The following PLG variants were observed in gnomAD, a reference collection of about 807,000 sequenced individuals.
PLG encodes plasmin.
PLG carries 41 observed loss-of-function variants against 104.4 expected under a neutral mutation model. The ratio of observed to expected loss-of-function variants is 0.39; its 90% confidence interval spans 0.31 to 0.51. The LOEUF (loss-of-function observed/expected upper bound fraction) is 0.51, where lower values mean the gene tolerates loss of function less well. PLG is among the 20% of genes least tolerant of loss of function. PLG has a pLI of 0.76. For missense variants in PLG, 891 were observed against 1,003.6 expected (o/e 0.89, Z 1.52); for synonymous variants, 337 against 357.1 (o/e 0.94, Z 0.63).
At chr6:160,745,123 T>C (rs1055637785) in intron 17 of PLG, among the ~76,000 whole-genome samples, 36 of 152,164 alleles carry the variant, frequency 2.4e-4, no homozygotes, top group African/African-American at 8.2e-4. Context: ...AAAATGTACA[T>C]TCAGTTGTTT....
At chr6:160,714,645 A>G (rs1777700440) in intron 5 of PLG, 149 bp from the exon 6 acceptor site, 2 of 411,534 alleles carry the variant, frequency 4.9e-6, no homozygotes, top group East Asian at 2.7e-5. Flanking sequence ...CTTATTGCCA[A>G]TTTTATTGCC....
chr6:160,717,589 T>C (rs1777758323), intron 7 of PLG, among the ~76,000 whole-genome samples: 1 of 152,216 alleles, frequency 6.6e-6, no homozygotes, highest in Non-Finnish European at 1.5e-5. Context: ...GTTGTTTGGC[T>C]TTTATGGCAT....
Position 160,752,682 on chromosome 6 carries a change from G to C in PLG, c.2272-218G>C, listed in dbSNP as rs1374342820. Among the ~76,000 whole-genome samples the C allele has an allele frequency of 2.0e-5, 3 of 152,174 alleles. No individual in the cohort carries two copies. The highest frequency in any genetic ancestry group is 2.1e-4 in the South Asian group (1 of 4,828). On this transcript the variant is annotated intron_variant, in intron 18 of 18. Transcript: ENST00000308192. This position sits in a 1 kb window ranked among gnomAD's most constrained non-coding sequence, Gnocchi z 4.7. The stretch of plus-strand genomic sequence containing the variant: ...AGGGATGTGTGCAGGATTCACAAAA[G>C]ATCTTTTCTACCCCCCGGAAAAACT...
rs1778112111 is a variant in PLG at position 160,737,786 on chromosome 6, CA to C, written c.1803-751del. 6.6e-6 allele frequency among the ~76,000 whole-genome samples: 1 copy of C among 152,178 alleles called. No homozygotes were observed. Among genetic ancestry groups the C allele is most frequent in the Non-Finnish European group, 1.5e-5 (1 of 68,028 alleles). ...GCCATCGACAAACCTGATCGCATTG[CA>C]TTTCACTCTGCTGTTGAGTCGATTT... On this transcript the variant is annotated intron_variant, in intron 14 of 18. Coordinates refer to ENST00000308192, the MANE Select transcript of PLG (RefSeq NM_000301.5). The surrounding 1 kb of genome is among the most constrained non-coding windows in gnomAD (Gnocchi z 4.7).
At chr6:160,703,959 A>G (rs918114134) in intron 1 of PLG, among the ~76,000 whole-genome samples, 1 of 152,230 alleles carries the variant, frequency 6.6e-6, no homozygotes, top group Non-Finnish European at 1.5e-5. Context: ...TTTTACAGCC[A>G]TGCTTAGTGG....
chr6:160,705,785 G>A (rs1489639271), intron 1 of PLG: 1 of 152,598 alleles, frequency 6.6e-6, no homozygotes, highest in East Asian at 1.9e-4. Flanking sequence ...TTCTACCCAG[G>A]GATGAACAAA....
chr6:160,711,940 C>G, intron 4 of PLG: 1 of 1,292,972 alleles, frequency 7.7e-7, no homozygotes, highest in East Asian at 3.5e-5. Context: ...GTACTTTTCC[C>G]AGTTTGGTGT....
At chr6:160,711,380 G>C in intron 4 of PLG, 189 bp downstream of exon 4, 1 of 694,940 alleles carries the variant, frequency 1.4e-6, no homozygotes, top group Non-Finnish European at 2.4e-6. Context: ...TAATGTAAAT[G>C]CTATTTAATC....
In PLG at chr6:160,738,707, CCCTT is replaced by C; in HGVS notation, c.1877+101_1877+104del. ...CCTCCTTTCCTTTCTCACTCTTCCT[CCCTT>C]CCTTCTCTGGCTGTGACACTAGGGA... On this transcript the variant is annotated intron_variant, in intron 15 of 18. Transcript: ENST00000308192. The surrounding 1 kb of genome is among the most constrained non-coding windows in gnomAD (Gnocchi z 6.8). 1.1e-6 allele frequency: 1 copy of C among 893,474 alleles called. No individual in the cohort carries two copies. The highest frequency in any genetic ancestry group is 1.9e-6 in the Non-Finnish European group (1 of 528,414). The allele number at this position is 893,474 out of a possible 1,614,324, so 55.3% of individuals were successfully genotyped here. A position where few individuals can be genotyped will look rare whatever the true frequency, so the allele number is the denominator to read the frequency against.
chr6:160,750,238 C>T (rs568572730), intron 17 of PLG, among the ~76,000 whole-genome samples: 1 of 152,276 alleles, frequency 6.6e-6, no homozygotes, highest in African/African-American at 2.4e-5. Context: ...CATCTGCAAT[C>T]ACTGAGCTGA....
chr6:160,718,254 A>G, intron 7 of PLG, 40 bp from the exon 8 acceptor site: 1 of 1,578,290 alleles, frequency 6.3e-7, no homozygotes, highest in South Asian at 1.1e-5. Context: ...CCGTCTCAAA[A>G]AATATATATA....
rs1406728951 is a variant in PLG, at chr6:160,737,696, C to T, written c.1802+689C>T. Among the ~76,000 whole-genome samples the T allele has an allele frequency of 2.0e-5, 3 of 152,308 alleles. No homozygotes were observed. Among genetic ancestry groups the T allele is most frequent in the Non-Finnish European group, 2.9e-5 (2 of 68,024 alleles). On this transcript the variant is annotated intron_variant, in intron 14 of 18. Transcript: ENST00000308192. This position sits in a 1 kb window ranked among gnomAD's most constrained non-coding sequence, Gnocchi z 4.7. ...TTTGCTTCCTCATCTCACTTCTACACGAGGGTGCCTGTGCTCAATTGCTGT... is the reference window on the plus strand; with the variant it reads ...TTTGCTTCCTCATCTCACTTCTACATGAGGGTGCCTGTGCTCAATTGCTGT...
At chr6:160,707,964 A>T in intron 3 of PLG, 158 bp downstream of exon 3, 1 of 677,010 alleles carries the variant, frequency 1.5e-6, no homozygotes, top group Non-Finnish European at 2.7e-6. Flanking sequence ...TTACTAACTA[A>T]CCATGTCAGC....
chr6:160,715,060 T>G, intron 6 of PLG, 146 bp downstream of exon 6: 2 of 813,384 alleles, frequency 2.5e-6, no homozygotes, highest in East Asian at 5.3e-5. Context: ...TCCCACAATA[T>G]TGCAAGTGAA....
rs145530654 is a variant in PLG at position 160,706,643 on chromosome 6, T to C, written c.185+101T>C. 559 of 1,213,672 alleles carry C rather than the reference T, an allele frequency of 4.6e-4. 5 individuals carry two copies. The East Asian group carries it at 0.013, about 27-fold the overall frequency. The allele number at this position is 1,213,672 out of a possible 1,614,324, so 75.2% of individuals were successfully genotyped here. A position where few individuals can be genotyped will look rare whatever the true frequency, so the allele number is the denominator to read the frequency against. ...TGATTTAAGAGGAAAGAGAAATTTATGGAGCCAGAGTTTGGAACTATATTT... is the reference window on the plus strand; with the variant it reads ...TGATTTAAGAGGAAAGAGAAATTTACGGAGCCAGAGTTTGGAACTATATTT... On this transcript the variant is annotated intron_variant, in intron 2 of 18. Coordinates refer to ENST00000308192, the MANE Select transcript of PLG (RefSeq NM_000301.5).
intron 3 of PLG, 61 bp from the exon 4 acceptor site, chr6:160,711,016 G>T: frequency 6.4e-7 from 1 of 1,555,872 alleles, no homozygotes; most frequent in Non-Finnish European, 8.9e-7. Flanking sequence ...TGACTATGCT[G>T]TGCAGACCTT....
chr6:160,742,880 C>T (rs1436312509), intron 17 of PLG, among the ~76,000 whole-genome samples: 1 of 152,108 alleles, frequency 6.6e-6, no homozygotes, highest in East Asian at 1.9e-4. Flanking sequence ...AGCCAGTTAC[C>T]CCAGCACCAT....
In PLG at chr6:160,737,643, T is replaced by C. The variant is rs185877566; in HGVS notation, c.1802+636T>C. 2.6e-5 allele frequency among the ~76,000 whole-genome samples: 4 copies of C among 152,194 alleles called. No homozygotes were observed. Among genetic ancestry groups the C allele is most frequent in the African/African-American group, 9.7e-5 (4 of 41,448 alleles). On this transcript the variant is annotated intron_variant, in intron 14 of 18. Coordinates refer to ENST00000308192, the MANE Select transcript of PLG (RefSeq NM_000301.5). This position sits in a 1 kb window ranked among gnomAD's most constrained non-coding sequence, Gnocchi z 4.7. ...TTGGGTATCTCTTAGGAAGCAAGCA[T>C]AGGAAACAGGCCCATCCGTCTGCCT...
At chr6:160,707,601 A>G in intron 2 of PLG, 99 bp from the exon 3 acceptor site, 2 of 1,266,248 alleles carry the variant, frequency 1.6e-6, no homozygotes, top group Non-Finnish European at 1.2e-6. Flanking sequence ...TGGTCCCTCA[A>G]GATATTCAAT....
Sources: gnomAD v4.1 joint callset for allele counts (sites outside exome capture counted in the v4.1 genomes callset) on GRCh38, gnomAD v4.1.1 for gene constraint, Gnocchi (gnomAD v3.1) non-coding constraint, MANE v1.5 for transcripts, NCBI Gene and HGNC (gene_info 2026-07-23, HGNC 2026-07-21) for gene names.